The following DZIP1L variants were observed in gnomAD, a reference collection of about 807,000 sequenced individuals.
The protein encoded by DZIP1L is cilium assembly protein DZIP1L.
In DZIP1L, 90 loss-of-function variants were observed where a neutral mutation model predicts 88.7. The observed-to-expected ratio is 1.02, with a 90% confidence interval of 0.86 to 1.21. The LOEUF (loss-of-function observed/expected upper bound fraction) is 1.21. Ranked by LOEUF, DZIP1L falls within the 50% of genes most tolerant of loss-of-function variation. The pLI, the probability that DZIP1L is intolerant of heterozygous loss-of-function variation, is 0.00. For synonymous variants in DZIP1L, 363 were observed against 372.1 expected (o/e 0.98, Z 0.28); for missense variants, 932 against 955.8 (o/e 0.98, Z 0.33).
intron 5 of DZIP1L, among the ~76,000 whole-genome samples, chr3:138,091,562 G>A (rs934561951): frequency 6.7e-6 from 1 of 149,474 alleles, no homozygotes; most frequent in Non-Finnish European, 1.5e-5. Flanking sequence ...AAGTTGCGGT[G>A]AGCCGACACC....
chr3:138,093,088 T>A (rs1460262121), intron 4 of DZIP1L, among the ~76,000 whole-genome samples: 1 of 152,236 alleles, frequency 6.6e-6, no homozygotes, highest in Non-Finnish European at 1.5e-5. Flanking sequence ...ATCAGAGGAA[T>A]CACTATCTAT....
chr3:138,064,592 A>G, intron 15 of DZIP1L, 36 bp downstream of exon 15: 1 of 1,613,978 alleles, frequency 6.2e-7, no homozygotes, highest in South Asian at 1.1e-5. Context: ...TTCTGTAGAG[A>G]ATTCCAGAGT....
In DZIP1L at chr3:138,067,707, C is replaced by T. The variant is rs200767809; in HGVS notation, c.1833-7G>A. On this transcript the variant is annotated splice_polypyrimidine_tract_variant and splice_region_variant and intron_variant, in intron 13 of 15. Transcript: ENST00000327532. ...AGAACTGAACGGGGGCGTGCTGCCA[C>T]GAGGAGGAGAAGAAATGAGGGATGC... The T allele has an allele frequency of 9.8e-5, 150 of 1,537,508 alleles. 1 individual carries two copies. In the African/African-American group the frequency reaches 1.6e-3, roughly 16 times the overall value.
At chr3:138,070,394 A>G (rs1943121633) in intron 12 of DZIP1L, among the ~76,000 whole-genome samples, 1 of 152,236 alleles carries the variant, frequency 6.6e-6, no homozygotes, top group African/African-American at 2.4e-5. Flanking sequence ...TTTCTATGCA[A>G]GATAAAAACC....
Position 138,071,809 on chromosome 3 carries a change from A to G in DZIP1L, c.1449T>C (p.Thr483=). 1 of 1,613,904 alleles carries G rather than the reference A, an allele frequency of 6.2e-7. No individual in the cohort carries two copies. Among genetic ancestry groups the G allele is most frequent in the Non-Finnish European group, 8.5e-7 (1 of 1,179,934 alleles). The part of the protein sequence containing the change: ...RKDAKGISIQ[T]LRHLESLLRV... ...TCAGCAGGGATTCCAGGTGTCTGAG[A>G]GTCTGAATCGAGATTCCCTTTGCAT... The change falls in exon 12 of 16, where the codon ACT becomes ACC. Residue 483 remains threonine, a synonymous_variant. Transcript: ENST00000327532.
At chr3:138,065,724 G>A (rs1942862839) in intron 14 of DZIP1L, among the ~76,000 whole-genome samples, 1 of 152,220 alleles carries the variant, frequency 6.6e-6, no homozygotes, top group Non-Finnish European at 1.5e-5. Flanking sequence ...CAGACCGCAA[G>A]CCTAGCCTGA....
intron 10 of DZIP1L, among the ~76,000 whole-genome samples, chr3:138,078,717 C>A (rs181191092): frequency 8.0e-4 from 122 of 152,314 alleles, no homozygotes; most frequent in Non-Finnish European, 1.4e-3. Flanking sequence ...CCCTACCACC[C>A]ATTCACCTCT....
rs2042386646 is a variant in DZIP1L at position 138,103,514 on chromosome 3, A to G, written c.458T>C (p.Leu153Pro). 7 of 1,610,514 alleles carry G rather than the reference A, an allele frequency of 4.3e-6. No homozygotes were observed. The East Asian group carries it at 1.6e-4, about 36-fold the overall frequency. Residue 153 changes from leucine (L) to proline (P), a missense_variant, in exon 2 of 16, where the codon CTG (leucine) becomes CCG (proline). By Grantham distance (98) the Leu-to-Pro change is moderately conservative (BLOSUM62 -3). Coordinates refer to ENST00000327532, the MANE Select transcript of DZIP1L (RefSeq NM_173543.3). ...SRRRRKMIST[L>P]QQLLMQTGTH... ...GCCTGTCTGCATTAGCAGCTGCTGC[A>G]GGGTGCTGATCATCTTGCGACGCCG...
chr3:138,109,745 G>A lies in DZIP1L; in HGVS notation c.-82+5583C>T, dbSNP rs1004437259. On this transcript the variant is annotated intron_variant, in intron 1 of 15. Transcript: ENST00000327532. ...TAATGATAGACTGGATGAAGAAAAT[G>A]TGGCACATATACACCATGGAATACT... Among the ~76,000 whole-genome samples the A allele has an allele frequency of 5.3e-5, 8 of 152,336 alleles. No individual in the cohort carries two copies. In the South Asian group the frequency reaches 1.2e-3, roughly 24 times the overall value.
At chr3:138,100,000 C>T (rs1352041283) in intron 2 of DZIP1L, among the ~76,000 whole-genome samples, 1 of 151,880 alleles carries the variant, frequency 6.6e-6, no homozygotes, top group Non-Finnish European at 1.5e-5. Flanking sequence ...CCCCACCCCG[C>T]AAATGACTTT....
At chr3:138,112,250 A>G (rs1438956125) in intron 1 of DZIP1L, 1 of 152,206 alleles carries the variant, frequency 6.6e-6, no homozygotes, top group Non-Finnish European at 1.5e-5. Context: ...AATGAAGCCA[A>G]GATTCAAACC....
At chr3:138,076,672 C>G (rs112533263) in intron 11 of DZIP1L, among the ~76,000 whole-genome samples, 2 of 152,116 alleles carry the variant, frequency 1.3e-5, no homozygotes, top group Admixed American at 6.5e-5. Context: ...AACCAAACAT[C>G]GTATGTTCTC....
At chr3:138,083,659 G>C (rs1006508499) in intron 8 of DZIP1L, among the ~76,000 whole-genome samples, 3 of 152,238 alleles carry the variant, frequency 2.0e-5, no homozygotes, top group African/African-American at 7.2e-5. Context: ...AAAAACACAC[G>C]CTTTGCGTTC....
At chr3:138,106,447 G>GACTTTAAAAAGTGCAATAGAAAGTGC (rs1253554396) in intron 1 of DZIP1L, among the ~76,000 whole-genome samples, 45 of 151,466 alleles carry the variant, frequency 3.0e-4, no homozygotes, top group African/African-American at 1.0e-3. Context: ...CCATGATTCA[G>GACTTTAAAAAGTGCAATAGAAAGTGC]ACTTTAAAAA....
rs143704981 is a variant in DZIP1L at position 138,103,490 on chromosome 3, C to A, written c.482G>T (p.Gly161Val). 2.0e-4 allele frequency: 313 copies of A among 1,603,356 alleles called. No homozygotes were observed. The highest frequency in any genetic ancestry group is 2.4e-4 in the Non-Finnish European group (283 of 1,173,454). Residue 161 changes from glycine (G) to valine (V), a missense_variant, in exon 2 of 16, where the codon GGC becomes GTC. Coordinates refer to ENST00000327532, the MANE Select transcript of DZIP1L (RefSeq NM_173543.3). Reference sequence around the variant, plus strand: ...CCTCACCGTGTGGTAGCTGTGGGTGCCTGTCTGCATTAGCAGCTGCTGCAG... The same window carrying A: ...CCTCACCGTGTGGTAGCTGTGGGTGACTGTCTGCATTAGCAGCTGCTGCAG... ...STLQQLLMQT[G>V]THSYHTCHLC... is the part of the protein sequence containing the mutation.
intron 5 of DZIP1L, 126 bp from the exon 6 acceptor site, chr3:138,088,633 T>C (rs779755671): frequency 1.5e-5 from 21 of 1,389,404 alleles, no homozygotes; most frequent in Non-Finnish European, 1.9e-5. Context: ...CCTCACTAGA[T>C]ACCTACTCAC....
intron 11 of DZIP1L, among the ~76,000 whole-genome samples, chr3:138,072,189 G>A (rs1327940609): frequency 1.3e-5 from 2 of 152,284 alleles, no homozygotes; most frequent in African/African-American, 2.4e-5. Context: ...GCTCATTTTT[G>A]TACTCCCAAT....
intron 14 of DZIP1L, among the ~76,000 whole-genome samples, chr3:138,066,485 A>G (rs1303724766): frequency 6.6e-6 from 1 of 152,198 alleles, no homozygotes; most frequent in Non-Finnish European, 1.5e-5. Context: ...CATTAACTTC[A>G]AAAACATCAT....
In DZIP1L at chr3:138,063,774, A is replaced by G. The variant is rs540059067; in HGVS notation, c.2143-797T>C. On this transcript the variant is annotated intron_variant, in intron 15 of 15. Transcript: ENST00000327532. This position sits in a 1 kb window ranked among gnomAD's most constrained non-coding sequence, Gnocchi z 4.1. ...AGGAACAAGTTTTTTCTTTTCAATC[A>G]TTTGGATGCATTACTCACAAACATA... 6.6e-6 allele frequency among the ~76,000 whole-genome samples: 1 copy of G among 152,352 alleles called. No homozygotes were observed. Among genetic ancestry groups the G allele is most frequent in the East Asian group, 1.9e-4 (1 of 5,196 alleles).
Sources: allele counts gnomAD v4.1 joint callset (sites outside exome capture counted in the v4.1 genomes callset), GRCh38; gene constraint gnomAD v4.1.1; non-coding constraint Gnocchi (gnomAD v3.1); transcripts MANE v1.5; gene names NCBI Gene and HGNC (gene_info 2026-07-23, HGNC 2026-07-21).